The following NRXN1 variants were observed in gnomAD, a reference collection of about 807,000 sequenced individuals.
NRXN1 encodes neurexin 1, also known as neurexin-1.
A neutral mutation model predicts 150.9 loss-of-function variants in NRXN1; 39 were observed. The observed-to-expected ratio is 0.26, with a 90% CI of 0.20 to 0.34. The LOEUF (loss-of-function observed/expected upper bound fraction) is 0.34, where lower values mean the gene tolerates loss of function less well. Ranked by LOEUF, NRXN1 falls within the 10% of genes least tolerant of loss-of-function variation. The pLI is 1.00. For missense variants in NRXN1, 1,815 were observed against 1,949.9 expected (o/e 0.93, Z 1.30); for synonymous variants, 924 against 757.0 (o/e 1.22, Z -3.62).
At chr2:50,880,811 G>C (rs1302489180) in intron 5 of NRXN1, among the ~76,000 whole-genome samples, 1 of 151,882 alleles carries the variant, frequency 6.6e-6, no homozygotes, top group Non-Finnish European at 1.5e-5. Flanking sequence ...TAAAGCAAGA[G>C]GATAATTCAC....
intron 17 of NRXN1, among the ~76,000 whole-genome samples, chr2:50,245,246 G>T (rs1230880425): frequency 6.6e-6 from 1 of 151,884 alleles, no homozygotes; most frequent in African/African-American, 2.4e-5. Flanking sequence ...CTTGGTCCAG[G>T]TTACCTGGCT....
At chr2:50,775,602 T>C (rs970589522) in intron 5 of NRXN1, among the ~76,000 whole-genome samples, 7 of 152,134 alleles carry the variant, frequency 4.6e-5, no homozygotes, top group African/African-American at 1.7e-4. Flanking sequence ...TTATTGGGCC[T>C]TTAAAGACAC....
intron 12 of NRXN1, among the ~76,000 whole-genome samples, chr2:50,526,240 A>G (rs1281618923): frequency 6.6e-6 from 1 of 152,190 alleles, no homozygotes; most frequent in East Asian, 1.9e-4. Flanking sequence ...CTTTAATGTA[A>G]GATAATCTTT....
At chr2:50,812,085 AAACTT>A (rs1668294738) in intron 5 of NRXN1, among the ~76,000 whole-genome samples, 1 of 152,288 alleles carries the variant, frequency 6.6e-6, no homozygotes, top group South Asian at 2.1e-4. Context: ...ATGAAAAAAA[AAACTT>A]AACTGTACTT....
chr2:49,966,276 T>C (rs1459001040), intron 21 of NRXN1, among the ~76,000 whole-genome samples: 2 of 152,166 alleles, frequency 1.3e-5, no homozygotes, highest in Admixed American at 6.5e-5. Context: ...TTTCTTCCTA[T>C]TGTGTTTCTA....
intron 5 of NRXN1, among the ~76,000 whole-genome samples, chr2:50,818,450 ATTTTTTAT>A (rs1241196210): frequency 1.3e-5 from 2 of 151,912 alleles, no homozygotes; most frequent in African/African-American, 2.4e-5. Context: ...AATTGGTTTA[ATTTTTTAT>A]TTTTTTATTG....
At chr2:50,017,861 GGGTTTATT>G (rs1409700866) in intron 21 of NRXN1, among the ~76,000 whole-genome samples, 2 of 151,998 alleles carry the variant, frequency 1.3e-5, no homozygotes, top group Non-Finnish European at 2.9e-5. Flanking sequence ...TAAGAGCTAT[GGGTTTATT>G]ACTCAGGTGA....
chr2:50,529,635 G>A (rs2093045879), intron 11 of NRXN1, among the ~76,000 whole-genome samples: 1 of 152,126 alleles, frequency 6.6e-6, no homozygotes, highest in Non-Finnish European at 1.5e-5. Flanking sequence ...GTCGTCAACC[G>A]CATCAGAAAA....
intron 18 of NRXN1, among the ~76,000 whole-genome samples, chr2:50,162,022 T>C (rs2059393529): frequency 6.6e-6 from 1 of 152,120 alleles, no homozygotes; most frequent in South Asian, 2.1e-4. Flanking sequence ...AGTAAGAGAA[T>C]GACTTAATCC....
intron 5 of NRXN1, among the ~76,000 whole-genome samples, chr2:50,737,108 A>C (rs1370344253): frequency 6.6e-6 from 1 of 152,060 alleles, no homozygotes; most frequent in Admixed American, 6.6e-5. Flanking sequence ...AAATACAAAA[A>C]ATTAGCTGGG....
chr2:50,616,411 A>C (rs1265195566), intron 8 of NRXN1: 1 of 152,200 alleles, frequency 6.6e-6, no homozygotes, highest in Non-Finnish European at 1.5e-5. Context: ...ATTAAATGCC[A>C]TATAGGGAAA....
chr2:50,697,192 CTGAG>C (rs1180591673), intron 5 of NRXN1, among the ~76,000 whole-genome samples: 1 of 152,116 alleles, frequency 6.6e-6, no homozygotes, highest in Non-Finnish European at 1.5e-5. Flanking sequence ...ACACGTAATT[CTGAG>C]TGTTATATTT....
At chr2:50,968,644 TG>T (rs1694507739) in intron 2 of NRXN1, among the ~76,000 whole-genome samples, 1 of 152,150 alleles carries the variant, frequency 6.6e-6, no homozygotes, top group Non-Finnish European at 1.5e-5. Context: ...TCAGAAATGC[TG>T]TATTATATTT....
chr2:50,641,755 G>A (rs1684112596), intron 5 of NRXN1, among the ~76,000 whole-genome samples: 1 of 152,020 alleles, frequency 6.6e-6, no homozygotes, highest in African/African-American at 2.4e-5. Flanking sequence ...GATCTGCTGT[G>A]CTCAAGGTCA....
At chr2:51,005,413 C>T (rs2105133366) in intron 2 of NRXN1, among the ~76,000 whole-genome samples, 1 of 152,060 alleles carries the variant, frequency 6.6e-6, no homozygotes, top group Non-Finnish European at 1.5e-5. Context: ...CTTATCATTT[C>T]TTTGTGCTGG....
chr2:49,938,232 A>G (rs1056630579), intron 22 of NRXN1, among the ~76,000 whole-genome samples: 1 of 152,200 alleles, frequency 6.6e-6, no homozygotes, highest in African/African-American at 2.4e-5. Flanking sequence ...ATATTACATG[A>G]CATAACTTAA....
rs1673139993 is a variant in NRXN1, at chr2:49,947,503, CTTTTTTTTTTCTTT to C, written c.4129-3726_4129-3713del. 3.0e-5 allele frequency among the ~76,000 whole-genome samples: 4 copies of C among 134,074 alleles called. No individual in the cohort carries two copies. The South Asian group carries it at 9.5e-4, about 32-fold the overall frequency. The allele number at this position is 134,074 out of a possible 152,430, so 88.0% of individuals were successfully genotyped here. A position where few individuals can be genotyped will look rare whatever the true frequency, so the allele number is the denominator to read the frequency against. ...CTCTTCTCCTTCTCCTTTTTTCTTT[CTTTTTTTTTTCTTT>C]TTTTTTTTTTTTTTGTAGAGATAAG... On this transcript the variant is annotated intron_variant, in intron 21 of 22. Coordinates refer to ENST00000401669, the MANE Select transcript of NRXN1 (RefSeq NM_001330078.2).
In NRXN1 at chr2:50,235,999, G is replaced by GA. The variant is rs372551690; in HGVS notation, c.3546+789dup. Among the ~76,000 whole-genome samples, 726 of 152,116 alleles carry GA rather than the reference G, an allele frequency of 4.8e-3. 7 individuals carry two copies. The highest frequency in any genetic ancestry group is 0.017 in the African/African-American group (686 of 41,534). On this transcript the variant is annotated intron_variant, in intron 18 of 22. Transcript: ENST00000401669. ...CTGTGCTTCTTTACAAATAATGCAA[G>GA]AAAATGAAGATTTAAAGAGTTGCAA...
At chr2:49,933,486 T>A (rs1325746022) in intron 22 of NRXN1, among the ~76,000 whole-genome samples, 3 of 152,176 alleles carry the variant, frequency 2.0e-5, no homozygotes, top group Non-Finnish European at 4.4e-5. Context: ...GGAGTTAACA[T>A]TCCCACAGAA....
Sources: gnomAD v4.1 joint callset for allele counts (sites outside exome capture counted in the v4.1 genomes callset) on GRCh38, gnomAD v4.1.1 for gene constraint, MANE v1.5 for transcripts, NCBI Gene and HGNC (gene_info 2026-07-23, HGNC 2026-07-21) for gene names.